MECOM: variants seen among roughly 807,000 people sequenced by gnomAD.
The protein encoded by MECOM is MDS1 and EVI1 complex locus, also known as histone-lysine N-methyltransferase MECOM.
A neutral mutation model predicts 116.3 loss-of-function variants in MECOM; 13 were observed. The observed-to-expected ratio is 0.11, with a 90% CI of 0.07 to 0.18. MECOM has a LOEUF of 0.18. Among genes scored for constraint, MECOM ranks in the 10% least tolerant of loss-of-function variants. The pLI, the probability that MECOM is intolerant of heterozygous loss-of-function variation, is 1.00. For missense variants in MECOM, 1,299 were observed against 1,509.0 expected (o/e 0.86, Z 2.31); for synonymous variants, 528 against 535.2 (o/e 0.99, Z 0.19).
chr3:169,271,430 A>T lies in MECOM; in HGVS notation c.375+109757T>A, dbSNP rs188227640. Among the ~76,000 whole-genome samples, 20 of 152,360 alleles carry T rather than the reference A, an allele frequency of 1.3e-4. No homozygotes were observed. The East Asian group carries it at 3.5e-3, about 26-fold the overall frequency. On this transcript the variant is annotated intron_variant, in intron 2 of 16. Transcript: ENST00000651503. ...GCAATTGCTTATGGAGAAAGCCACA[A>T]AAGGAAAAGGCATCCTTAACACTCT...
intron 3 of MECOM, among the ~76,000 whole-genome samples, chr3:169,139,261 C>T (rs1737354239): frequency 1.3e-5 from 2 of 152,048 alleles, no homozygotes; most frequent in South Asian, 4.1e-4. Flanking sequence ...TCTTTTTCTA[C>T]TTACTAAATA....
intron 1 of MECOM, among the ~76,000 whole-genome samples, chr3:169,560,158 T>G (rs1452691192): frequency 6.6e-6 from 1 of 152,192 alleles, no homozygotes; most frequent in Non-Finnish European, 1.5e-5. Context: ...TTATAAGTGT[T>G]TAAGAATCAG....
chr3:169,381,965 A>G (rs912061488), intron 1 of MECOM, among the ~76,000 whole-genome samples: 1 of 152,230 alleles, frequency 6.6e-6, no homozygotes, highest in East Asian at 1.9e-4. Flanking sequence ...TAGGAGAGTC[A>G]TCAAAGATTC....
chr3:169,254,547 G>GA (rs1284532951), intron 2 of MECOM, among the ~76,000 whole-genome samples: 4 of 152,180 alleles, frequency 2.6e-5, no homozygotes, highest in African/African-American at 2.4e-5. Flanking sequence ...TTCTCAGGGG[G>GA]AAAAACCACA....
At chr3:169,542,534 G>A (rs7625022) in intron 1 of MECOM, among the ~76,000 whole-genome samples, 1 of 152,146 alleles carries the variant, frequency 6.6e-6, no homozygotes, top group East Asian at 1.9e-4. Context: ...TCTCCTTTTA[G>A]AGCAGGTTGA....
chr3:169,398,842 G>A (rs530685662), intron 1 of MECOM, among the ~76,000 whole-genome samples: 2 of 152,242 alleles, frequency 1.3e-5, no homozygotes, highest in Admixed American at 6.5e-5. Flanking sequence ...AGAAAAAGCA[G>A]GGTGAAATGT....
intron 12 of MECOM, 40 bp downstream of exon 12, chr3:169,100,836 TAATTATTAC>T (rs1723337627): frequency 3.6e-6 from 4 of 1,113,658 alleles, no homozygotes; most frequent in South Asian, 5.6e-5. Flanking sequence ...AAATAAACTT[TAATTATTAC>T]AATATTTATC....
chr3:169,387,666 T>C (rs1277207812), intron 1 of MECOM, among the ~76,000 whole-genome samples: 1 of 152,176 alleles, frequency 6.6e-6, no homozygotes, highest in Non-Finnish European at 1.5e-5. Flanking sequence ...TATTAAGAAG[T>C]TAATTATTTA....
intron 16 of MECOM, among the ~76,000 whole-genome samples, chr3:169,086,121 T>G (rs954589451): frequency 1.3e-5 from 2 of 152,194 alleles, no homozygotes; most frequent in African/African-American, 4.8e-5. Flanking sequence ...TTTACCCTTG[T>G]AGGCTGATTT....
intron 1 of MECOM, among the ~76,000 whole-genome samples, chr3:169,486,006 CTATATATATATGTATATATAGTATATA>C (rs1752297485): frequency 9.2e-6 from 1 of 108,562 alleles, no homozygotes; most frequent in Non-Finnish European, 1.7e-5. Flanking sequence ...TATATATATA[CTATATATATATGTATATATAGTATATA>C]TATATATGTA....
chr3:169,112,787 T>A lies in MECOM; in HGVS notation c.2577A>T (p.Gln859His), dbSNP rs1330651487. 1 of 1,610,932 alleles carries A rather than the reference T, an allele frequency of 6.2e-7. No homozygotes were observed. Among genetic ancestry groups the A allele is most frequent in the African/African-American group, 1.3e-5 (1 of 74,804 alleles). The change falls in exon 9 of 17, where the codon CAA becomes CAT. Residue 859 changes from glutamine to histidine, a missense_variant and splice_region_variant. Coordinates refer to ENST00000651503, the MANE Select transcript of MECOM (RefSeq NM_004991.4). The stretch of plus-strand genomic sequence containing the variant: ...GAAATCTCAAATCCAAAATACTTAC[T>A]TGTGGGTGAAACAAGAATCCTGGAG... ...RPSPGFLFHP[Q>H]FQLPDQRTWM...
At chr3:169,604,148 G>A (rs1448871520) in intron 1 of MECOM, among the ~76,000 whole-genome samples, 1 of 152,158 alleles carries the variant, frequency 6.6e-6, no homozygotes, top group Non-Finnish European at 1.5e-5. Flanking sequence ...TTGTGTGTAA[G>A]CATGAGAAAG....
intron 12 of MECOM, among the ~76,000 whole-genome samples, chr3:169,099,985 C>T (rs1057327107): frequency 1.1e-4 from 16 of 151,522 alleles, no homozygotes; most frequent in African/African-American, 3.4e-4. Flanking sequence ...TAAAATTGCC[C>T]GTTTTTCTAT....
At chr3:169,474,855 C>A (rs1454163963) in intron 1 of MECOM, among the ~76,000 whole-genome samples, 1 of 152,090 alleles carries the variant, frequency 6.6e-6, no homozygotes, top group Non-Finnish European at 1.5e-5. Context: ...GGTATCTAAT[C>A]AATCTATATT....
chr3:169,651,427 G>A (rs1205948405), intron 1 of MECOM, among the ~76,000 whole-genome samples: 1 of 152,078 alleles, frequency 6.6e-6, no homozygotes, highest in Non-Finnish European at 1.5e-5. Flanking sequence ...ATGTTGTTAA[G>A]GATTTTAGCA....
chr3:169,510,718 C>T (rs1451538510), intron 1 of MECOM, among the ~76,000 whole-genome samples: 2 of 152,130 alleles, frequency 1.3e-5, no homozygotes, highest in Non-Finnish European at 2.9e-5. Context: ...AGGGCTGATC[C>T]GAGAGATAGC....
At chr3:169,285,288 G>A (rs1713051602) in intron 2 of MECOM, among the ~76,000 whole-genome samples, 1 of 152,100 alleles carries the variant, frequency 6.6e-6, no homozygotes, top group African/African-American at 2.4e-5. Flanking sequence ...TGCTTCTGTG[G>A]CGTTTTGACA....
intron 1 of MECOM, among the ~76,000 whole-genome samples, chr3:169,644,892 C>T (rs186020162): frequency 6.6e-6 from 1 of 152,106 alleles, no homozygotes; most frequent in Admixed American, 6.6e-5. Context: ...AAGTTATACA[C>T]CTGCACACAT....
chr3:169,587,756 G>C (rs1765940516), intron 1 of MECOM, among the ~76,000 whole-genome samples: 7 of 152,044 alleles, frequency 4.6e-5, no homozygotes, highest in Admixed American at 4.6e-4. Context: ...ATTGTACACT[G>C]TCATAGCCTA....
Sources: gnomAD v4.1 joint callset for allele counts (sites outside exome capture counted in the v4.1 genomes callset) on GRCh38, gnomAD v4.1.1 for gene constraint, MANE v1.5 for transcripts, NCBI Gene and HGNC (gene_info 2026-07-23, HGNC 2026-07-21) for gene names.